The following POLL variants were observed in gnomAD, a reference collection of about 807,000 sequenced individuals.
POLL encodes the protein DNA polymerase lambda.
A neutral mutation model predicts 58.1 loss-of-function variants in POLL; 44 were observed. The ratio of observed to expected loss-of-function variants is 0.76; its 90% CI spans 0.60 to 0.97. POLL has a LOEUF of 0.97. Among genes scored for constraint, POLL ranks in the 50% least tolerant of loss-of-function variants. The probability of loss-of-function intolerance (pLI) is 0.00; values close to 1 mark genes in which losing one functional copy is unlikely to be tolerated. For synonymous variants in POLL, 290 were observed against 283.2 expected (o/e 1.02, Z -0.24); for missense variants, 632 against 736.8 (o/e 0.86, Z 1.65).
At position 101,580,177 on chromosome 10, in the gene POLL, C is replaced by T. The variant is rs2062903545; in HGVS notation, c.1363+71G>A. The T allele has an allele frequency of 3.0e-6, 4 of 1,318,216 alleles. No homozygotes were observed. 81.7% of individuals were successfully genotyped at this position (1,318,216 alleles called of 1,614,324 possible). ...CCTCAGGACTGGAACTTCTGAGGTT[C>T]TCCCTCTGAGGGGGCCCCCAGACCT... is the stretch of plus-strand genomic sequence containing the variant. On this transcript the variant is annotated intron_variant, in intron 8 of 8. Coordinates refer to ENST00000370162, the MANE Select transcript of POLL (RefSeq NM_001174084.2). The surrounding 1 kb of genome is among the most constrained non-coding windows in gnomAD (Gnocchi z 4.1).
intron 4 of POLL, 26 bp from the exon 5 acceptor site, chr10:101,584,945 A>C: frequency 7.5e-7 from 1 of 1,337,120 alleles, no homozygotes; most frequent in Non-Finnish European, 9.7e-7. Flanking sequence ...AAAAGAAAAC[A>C]ATAAATTCTT....
chr10:101,585,957 C>G lies in POLL; in HGVS notation c.315G>C (p.Pro105=). Residue 105 remains proline (P), a synonymous_variant, in exon 3 of 9, where the codon CCG becomes CCC. Coordinates refer to ENST00000370162, the MANE Select transcript of POLL (RefSeq NM_001174084.2). ...LRLLRLPQLP[P]GAQLVKSAWL... is the part of the protein sequence containing the mutation. ...AGGCTGACTTCACCAGCTGAGCACC[C>G]GGGGGCAGCTGGGGTAGTCTGAGAA... 6.2e-7 allele frequency: 1 copy of G among 1,614,024 alleles called. No homozygotes were observed. Among genetic ancestry groups the G allele is most frequent in the South Asian group, 1.1e-5 (1 of 91,058 alleles).
Position 101,586,106 on chromosome 10 carries a change from C to T in POLL, c.166G>A (p.Ala56Thr). The change falls in exon 3 of 9, where the codon GCC becomes ACC. Residue 56 changes from alanine to threonine, a missense_variant. Ala to Thr is a moderately conservative substitution (Grantham distance 58). Coordinates refer to ENST00000370162, the MANE Select transcript of POLL (RefSeq NM_001174084.2). ...TGCTTCTCAAAGAGTTCTGCCCGGG[C>T]TCGTCCAATGCCAGTGCGCACAACA... ...AHVVRTGIGRARAELFEKQIV... is the reference protein window; with the variant it reads ...AHVVRTGIGRTRAELFEKQIV... 6.2e-7 allele frequency: 1 copy of T among 1,613,778 alleles called. No individual in the cohort carries two copies. The highest frequency in any genetic ancestry group is 8.5e-7 in the Non-Finnish European group (1 of 1,179,958).
At position 101,586,101 on chromosome 10, in the gene POLL, C is replaced by G. The variant is rs2063315935; in HGVS notation, c.171G>C (p.Arg57=). Residue 57 remains arginine, a synonymous_variant, in exon 3 of 9, where the codon CGG becomes CGC. Transcript: ENST00000370162. ...HVVRTGIGRA[R]AELFEKQIVQ... Reference sequence around the variant, plus strand: ...CAATCTGCTTCTCAAAGAGTTCTGCCCGGGCTCGTCCAATGCCAGTGCGCA... The same window carrying G: ...CAATCTGCTTCTCAAAGAGTTCTGCGCGGGCTCGTCCAATGCCAGTGCGCA... 1 of 1,613,786 alleles carries G rather than the reference C, an allele frequency of 6.2e-7. No homozygotes were observed. Among genetic ancestry groups the G allele is most frequent in the Non-Finnish European group, 8.5e-7 (1 of 1,179,964 alleles).
rs779034624 is a variant in POLL, at chr10:101,580,345, C to T, written c.1266G>A (p.Lys422=). The T allele has an allele frequency of 6.8e-6, 11 of 1,613,966 alleles. No individual in the cohort carries two copies. The highest frequency in any genetic ancestry group is 9.3e-6 in the Non-Finnish European group (11 of 1,180,022). Residue 422 remains lysine (K), a synonymous_variant, in exon 8 of 9, where the codon AAG becomes AAA. Transcript: ENST00000370162. The surrounding 1 kb of genome is among the most constrained non-coding windows in gnomAD (Gnocchi z 4.1). The stretch of plus-strand genomic sequence containing the variant: ...GCACGTCGACATCACCACAGGTCGC[C>T]TTTCCCCGTCGGTATGAACCACATG... ...CVACGSYRRG[K]ATCGDVDVLI...
Position 101,579,501 on chromosome 10 carries a change from G to A in POLL, c.1680C>T (p.Phe560=), listed in dbSNP as rs144810871. ...CTCGGTAGGGGAGGCCTAAGAGCCT[G>A]AAGACATCCTTCTCAGTGGGAGTGG... The part of the protein sequence containing the change: ...VLPTPTEKDV[F]RLLGLPYREP... The change falls in exon 9 of 9, where the codon TTC becomes TTT. Residue 560 remains phenylalanine, a synonymous_variant. Coordinates refer to ENST00000370162, the MANE Select transcript of POLL (RefSeq NM_001174084.2). The surrounding 1 kb of genome is among the most constrained non-coding windows in gnomAD (Gnocchi z 4.4). The A allele has an allele frequency of 1.7e-5, 27 of 1,613,428 alleles. No homozygotes were observed. Among genetic ancestry groups the A allele is most frequent in the South Asian group, 2.2e-5 (2 of 91,064 alleles).
At chr10:101,584,987 G>T (rs536888041) in intron 4 of POLL, 68 bp from the exon 5 acceptor site, 4 of 1,116,266 alleles carry the variant, frequency 3.6e-6, no homozygotes, top group Non-Finnish European at 4.8e-6. Context: ...TTAAAGGTGG[G>T]GGTCATCTTC....
chr10:101,583,600 G>C lies in POLL; in HGVS notation c.973C>G (p.Leu325Val), dbSNP rs371010766. Residue 325 changes from leucine to valine, a missense_variant, in exon 6 of 9, where the codon CTG becomes GTG. Physicochemically the swap from Leu to Val is conservative, Grantham distance 32. Coordinates refer to ENST00000370162, the MANE Select transcript of POLL (RefSeq NM_001174084.2). ...EILESGHLRK[L>V]DHISESVPVL... is the part of the protein sequence containing the mutation. ...GGCACGCTCTCACTGATATGGTCCA[G>C]CTTCCGCAAATGCCCGCTCTCCAGG... 1 of 1,614,158 alleles carries C rather than the reference G, an allele frequency of 6.2e-7. No homozygotes were observed.
Position 101,588,253 on chromosome 10 carries a change from A to G in POLL, c.-478T>C. ...AAGGGGGGAAGGAGGGCAAATGGCCAGAATAGCTTCCGAGTCAGCCGGAAG... is the reference window on the plus strand; with the variant it reads ...AAGGGGGGAAGGAGGGCAAATGGCCGGAATAGCTTCCGAGTCAGCCGGAAG... On this transcript the variant is annotated 5_prime_UTR_variant, in exon 1 of 9. Coordinates refer to ENST00000370162, the MANE Select transcript of POLL (RefSeq NM_001174084.2). 1.3e-6 allele frequency: 2 copies of G among 1,557,922 alleles called. No individual in the cohort carries two copies. The highest frequency in any genetic ancestry group is 1.7e-6 in the Non-Finnish European group (2 of 1,149,892).
At chr10:101,585,094 T>C (rs1397872988) in intron 4 of POLL, among the ~76,000 whole-genome samples, 175 bp from the exon 5 acceptor site, 2 of 152,174 alleles carry the variant, frequency 1.3e-5, no homozygotes, top group African/African-American at 4.8e-5. Flanking sequence ...CACGTTCCCT[T>C]TGGCTCCACG....
rs3730475 is a variant in POLL at position 101,580,422 on chromosome 10, A to G, written c.1195-6T>C. On this transcript the variant is annotated splice_region_variant and splice_polypyrimidine_tract_variant and intron_variant, in intron 7 of 8. Transcript: ENST00000370162. This position sits in a 1 kb window ranked among gnomAD's most constrained non-coding sequence, Gnocchi z 4.1. Reference sequence around the variant, plus strand: ...GCCTGGGCTGCTTTCTGGACCTGGGAAAGAGAGCGGTGACAGGTGAGGGGC... The same window carrying G: ...GCCTGGGCTGCTTTCTGGACCTGGGGAAGAGAGCGGTGACAGGTGAGGGGC... 434,567 of 1,611,506 alleles carry G rather than the reference A, an allele frequency of 0.27. 61,689 individuals carry two copies. The highest frequency in any genetic ancestry group is 0.3 in the Non-Finnish European group (350,487 of 1,178,354).
intron 5 of POLL, 53 bp from the exon 6 acceptor site, chr10:101,583,734 T>G: frequency 1.3e-6 from 2 of 1,542,256 alleles, no homozygotes; most frequent in East Asian, 2.3e-5. Context: ...ATGGAAGAGG[T>G]AGAGCCAGTG....
chr10:101,583,769 G>C, intron 5 of POLL, 88 bp from the exon 6 acceptor site: 1 of 1,208,406 alleles, frequency 8.3e-7, no homozygotes, highest in Non-Finnish European at 1.2e-6. Context: ...TCCTCTAGCA[G>C]ATGCTGACAT....
In POLL at chr10:101,580,675, G is replaced by T. The variant is rs1455471171; in HGVS notation, c.1195-259C>A. The T allele has an allele frequency of 1.8e-5, 8 of 440,040 alleles. No homozygotes were observed. Among genetic ancestry groups the T allele is most frequent in the African/African-American group, 1.2e-4 (6 of 49,532 alleles). 27.3% of individuals were successfully genotyped at this position (440,040 alleles called of 1,614,324 possible). ...AGGTGCCGGCTCTGCTTCTGAGAGT[G>T]GGCACTGAGCTTGCCCTGTGGAGCT... is the stretch of plus-strand genomic sequence containing the variant. On this transcript the variant is annotated intron_variant, in intron 7 of 8. Transcript: ENST00000370162. The surrounding 1 kb of genome is among the most constrained non-coding windows in gnomAD (Gnocchi z 4.1).
chr10:101,585,052 G>C (rs1397775187), intron 4 of POLL, 133 bp from the exon 5 acceptor site: 15 of 689,346 alleles, frequency 2.2e-5, no homozygotes, highest in Non-Finnish European at 3.1e-5. Context: ...GGGGCCTTCT[G>C]CATCAGACTT....
intron 7 of POLL, chr10:101,582,234 T>C (rs2063040283): frequency 6.5e-6 from 1 of 154,904 alleles, no homozygotes; most frequent in African/African-American, 2.4e-5. Flanking sequence ...ACACCAACTC[T>C]ACCCCAAATC....
At chr10:101,583,156 C>T (rs1438711734) in intron 6 of POLL, 1 of 594,376 alleles carries the variant, frequency 1.7e-6, no homozygotes, top group African/African-American at 1.9e-5. Flanking sequence ...CATCTTCATC[C>T]TTACCAAGCT....
intron 6 of POLL, 57 bp from the exon 7 acceptor site, chr10:101,582,948 T>C (rs767447151): frequency 2.0e-5 from 32 of 1,608,940 alleles, no homozygotes; most frequent in Middle Eastern, 1.7e-4. Context: ...TGAAGAGGCA[T>C]GAGTGAGCAC....
Position 101,587,245 on chromosome 10 carries a change from C to T in POLL, c.115+1G>A, listed in dbSNP as rs777880580. 5 of 1,613,890 alleles carry T rather than the reference C, an allele frequency of 3.1e-6. No homozygotes were observed. In the Admixed American group the frequency reaches 6.7e-5, roughly 22 times the overall value. ...AGGGTTCTGAGACTGGGTCAGCTCA[C>T]CTTCTGCTTCTTCTCCCTCTTCCCT... On this transcript the variant is annotated splice_donor_variant, in intron 2 of 8. Coordinates refer to ENST00000370162, the MANE Select transcript of POLL (RefSeq NM_001174084.2). LOFTEE classifies it high-confidence loss of function.
Sources: allele counts gnomAD v4.1 joint callset (sites outside exome capture counted in the v4.1 genomes callset), GRCh38; gene constraint gnomAD v4.1.1; non-coding constraint Gnocchi (gnomAD v3.1); transcripts MANE v1.5; gene names NCBI Gene and HGNC (gene_info 2026-07-23, HGNC 2026-07-21).